Variants in SLC25A30 observed in about 807,000 individuals in gnomAD.
SLC25A30 encodes solute carrier family 25 member 30.
In SLC25A30, 29 loss-of-function variants were observed where a neutral mutation model predicts 42.7. The ratio of observed to expected loss-of-function variants is 0.68; its 90% CI spans 0.51 to 0.93. The LOEUF (loss-of-function observed/expected upper bound fraction) is 0.93. SLC25A30 is among the 40% of genes least tolerant of loss of function. The pLI, the probability that SLC25A30 is intolerant of heterozygous loss-of-function variation, is 0.00. For synonymous variants in SLC25A30, 124 were observed against 131.0 expected, an observed-to-expected ratio of 0.95 and a Z score of 0.37; for missense variants, 300 against 359.7, an observed-to-expected ratio of 0.83 and a Z score of 1.34.
chr13:45,399,016 G>A lies in SLC25A30; in HGVS notation c.677C>T (p.Thr226Ile), dbSNP rs778467835. 16 of 1,613,792 alleles carry A rather than the reference G, an allele frequency of 9.9e-6. No homozygotes were observed. The South Asian group carries it at 1.8e-4, about 18-fold the overall frequency. ...LASNPVDVVR[T>I]RMMNQRVLRD... ...AAGCACTCTCTGATTCATCATACGT[G>A]TCCTCACAACATCAACAGGGTTTGA... The change falls in exon 8 of 10, where the codon ACA (threonine) becomes ATA (isoleucine). Residue 226 changes from threonine to isoleucine, a missense_variant. Coordinates refer to ENST00000519676, the MANE Select transcript of SLC25A30 (RefSeq NM_001010875.4).
chr13:45,413,813 A>G (rs1046731710), intron 1 of SLC25A30, among the ~76,000 whole-genome samples: 2 of 152,196 alleles, frequency 1.3e-5, no homozygotes, highest in African/African-American at 4.8e-5. Context: ...TTGGCCTCCC[A>G]AAGTGCTGGG....
upstream of SLC25A30, chr13:45,420,175 T>G (rs1441551229): frequency 6.6e-6 from 1 of 152,204 alleles, no homozygotes; most frequent in Non-Finnish European, 1.5e-5. Context: ...AGAGGTTTCA[T>G]GAGATAACTG....
intron 3 of SLC25A30, 123 bp from the exon 4 acceptor site, chr13:45,406,100 TGAGACGGAG>T: frequency 2.6e-6 from 2 of 775,970 alleles, no homozygotes; most frequent in Non-Finnish European, 4.1e-6. Flanking sequence ...TTTTTTTTTT[TGAGACGGAG>T]TTTCGCTCTG....
chr13:45,414,619 AACACACACACACACATACAC>A (rs1413375067), intron 1 of SLC25A30, among the ~76,000 whole-genome samples: 9 of 110,410 alleles, frequency 8.2e-5, no homozygotes, highest in African/African-American at 3.2e-4. Flanking sequence ...CTTTGTCTCA[AACACACACACACACATACAC>A]ACACACACAC....
chr13:45,417,059 G>A (rs1208200359), intron 1 of SLC25A30, among the ~76,000 whole-genome samples: 2 of 152,120 alleles, frequency 1.3e-5, no homozygotes, highest in African/African-American at 4.8e-5. Context: ...TATTGCCCAG[G>A]CTGGAGTACA....
Position 45,395,319 on chromosome 13 carries a change from A to T in SLC25A30, c.*655T>A, listed in dbSNP as rs1881226290. On this transcript the variant is annotated 3_prime_UTR_variant, in exon 10 of 10. Coordinates refer to ENST00000519676, the MANE Select transcript of SLC25A30 (RefSeq NM_001010875.4). Reference sequence around the variant, plus strand: ...TTCAAAGCCAACACATAACACCACCACGAATTTAGAGATTATTACTTTGTA... The same window carrying T: ...TTCAAAGCCAACACATAACACCACCTCGAATTTAGAGATTATTACTTTGTA... The T allele has an allele frequency of 1.0e-6, 1 of 986,178 alleles. No homozygotes were observed. Among genetic ancestry groups the T allele is most frequent in the East Asian group, 1.1e-4 (1 of 8,832 alleles). The allele number at this position is 986,178 out of a possible 1,614,324, so 61.1% of individuals were successfully genotyped here. A position where few individuals can be genotyped will look rare whatever the true frequency, so the allele number is the denominator to read the frequency against.
chr13:45,424,588 AAT>A, the SLC25A30 span, among the ~76,000 whole-genome samples: 385 of 62,586 alleles, frequency 6.2e-3, 64 homozygotes, highest in Admixed American at 0.037. Flanking sequence ...AATATATATA[AAT>A]ATATATAAAT....
chr13:45,423,604 T>A, the SLC25A30 span, among the ~76,000 whole-genome samples: 1,432 of 78,366 alleles, frequency 0.018, 251 homozygotes, highest in African/African-American at 0.099. Context: ...TATATATATA[T>A]AAATATATAT....
intron 1 of SLC25A30, among the ~76,000 whole-genome samples, chr13:45,413,552 T>G (rs969540302): frequency 3.0e-4 from 44 of 144,404 alleles, no homozygotes; most frequent in African/African-American, 1.2e-3. Flanking sequence ...TCAGACTCCA[T>G]CTCTTTTTTT....
chr13:45,411,269 T>C (rs559995752), intron 2 of SLC25A30, 93 bp downstream of exon 2: 9 of 1,008,986 alleles, frequency 8.9e-6, no homozygotes, highest in Non-Finnish European at 1.4e-5. Context: ...GAGACAAACA[T>C]TTCATCATCT....
At chr13:45,431,022 C>T in the SLC25A30 span, among the ~76,000 whole-genome samples, 1 of 151,818 alleles carries the variant, frequency 6.6e-6, no homozygotes, top group African/African-American at 2.4e-5. Flanking sequence ...AAACACCACC[C>T]GACAATTGCA....
the SLC25A30 span, among the ~76,000 whole-genome samples, chr13:45,423,605 AAATATATATAAAATAT>A: frequency 9.4e-6 from 1 of 106,670 alleles, no homozygotes; most frequent in East Asian, 2.3e-4. Context: ...ATATATATAT[AAATATATATAAAATAT>A]ATATATATAA....
intron 3 of SLC25A30, among the ~76,000 whole-genome samples, chr13:45,407,950 T>C (rs773835554): frequency 1.3e-5 from 2 of 152,214 alleles, no homozygotes; most frequent in Non-Finnish European, 2.9e-5. Flanking sequence ...CAGATCCTCA[T>C]CTAGTCTTCC....
At chr13:45,415,443 T>A (rs1039100888) in intron 1 of SLC25A30, among the ~76,000 whole-genome samples, 51 of 152,186 alleles carry the variant, frequency 3.4e-4, no homozygotes, top group African/African-American at 1.2e-3. Flanking sequence ...AAATAAAAAA[T>A]TTTATTTTTA....
chr13:45,400,033 T>TATACACAC lies in SLC25A30; in HGVS notation c.615-956_615-955insGTGTGTAT, dbSNP rs571184813. Among the ~76,000 whole-genome samples, 993 of 122,978 alleles carry TATACACAC rather than the reference T, an allele frequency of 8.1e-3. 11 individuals are homozygous for TATACACAC. Among genetic ancestry groups the TATACACAC allele is most frequent in the Middle Eastern group, 0.013 (3 of 240 alleles). 80.7% of individuals were successfully genotyped at this position (122,978 alleles called of 152,430 possible). On this transcript the variant is annotated intron_variant, in intron 7 of 9. Transcript: ENST00000519676. Reference sequence around the variant, plus strand: ...GTATGATTATATATATATATATATATACACACACACACACACACACACACA... The same window carrying TATACACAC: ...GTATGATTATATATATATATATATATATACACACACACACACACACACACACACACACA...
chr13:45,402,679 C>T, intron 5 of SLC25A30: 1 of 739,692 alleles, frequency 1.4e-6, no homozygotes. Flanking sequence ...TAGAAAACAG[C>T]ATACTTCCCT....
At chr13:45,419,954 A>AAAAGG (rs1156351368), upstream of SLC25A30, among the ~76,000 whole-genome samples, 14 of 147,094 alleles carry the variant, frequency 9.5e-5, no homozygotes, top group South Asian at 4.2e-4. Flanking sequence ...CGAGAGAAAG[A>AAAAGG]AAAGGAAAGG....
chr13:45,423,134 C>G (rs1346227403), upstream of SLC25A30, among the ~76,000 whole-genome samples: 1 of 152,010 alleles, frequency 6.6e-6, no homozygotes, highest in African/African-American at 2.4e-5. Context: ...TGTGGGTCCC[C>G]AATAAATATA....
chr13:45,397,285 C>G lies in SLC25A30; in HGVS notation c.807G>C (p.Trp269Cys). The G allele has an allele frequency of 1.2e-6, 2 of 1,612,760 alleles. No homozygotes were observed. Among genetic ancestry groups the G allele is most frequent in the Non-Finnish European group, 1.7e-6 (2 of 1,178,948 alleles). ...FALYKGFWPNWLRLGPWNIIF... is the reference protein window; with the variant it reads ...FALYKGFWPNCLRLGPWNIIF... ...TGATATTCCAAGGACCAAGTCTCAA[C>G]CAATTTGGCCAAAAGCCTTTATAGA... is the stretch of plus-strand genomic sequence containing the variant. Residue 269 changes from tryptophan to cysteine, a missense_variant, in exon 9 of 10, where the codon TGG becomes TGC. By Grantham distance (215) the Trp-to-Cys change is radical (BLOSUM62 -2). Transcript: ENST00000519676.
Sources: allele counts gnomAD v4.1 joint callset (sites outside exome capture counted in the v4.1 genomes callset), GRCh38; gene constraint gnomAD v4.1.1; transcripts MANE v1.5; gene names NCBI Gene and HGNC (gene_info 2026-07-23, HGNC 2026-07-21).